The following SLC25A28 variants were observed in gnomAD, a reference collection of about 807,000 sequenced individuals.
The protein encoded by SLC25A28 is mitoferrin-2.
SLC25A28 carries 10 observed loss-of-function variants against 31.9 expected under a neutral mutation model. The observed-to-expected ratio is 0.31, with a 90% CI of 0.19 to 0.53. SLC25A28 has a LOEUF of 0.53. Among genes scored for constraint, SLC25A28 ranks in the 20% least tolerant of loss-of-function variants. The pLI is 0.95. For missense variants in SLC25A28, 256 were observed against 490.3 expected (o/e 0.52, Z 4.51); for synonymous variants, 208 against 203.6 (o/e 1.02, Z -0.19).
At chr10:99,645,819 G>C in the SLC25A28 span, among the ~76,000 whole-genome samples, 21 of 152,318 alleles carry the variant, frequency 1.4e-4, no homozygotes, top group South Asian at 4.3e-3. Flanking sequence ...AAGTTTGCTG[G>C]AGGTCCACTC....
At position 99,611,359 on chromosome 10, in the gene SLC25A28, C is replaced by T. The variant is rs2034520106; in HGVS notation, c.585G>A (p.Lys195=). ...GTGAGTTGTACATCTGCATCCTCTG[C>T]TTGACCACTAGTAGTGCCATCAACG... ...DAAMNPAEVV[K]QRMQMYNSPY... is the part of the protein sequence containing the mutation. The change falls in exon 4 of 4, where the codon AAG becomes AAA. Residue 195 remains lysine, a synonymous_variant. Coordinates refer to ENST00000370495, the MANE Select transcript of SLC25A28 (RefSeq NM_031212.4). The surrounding 1 kb of genome is among the most constrained non-coding windows in gnomAD (Gnocchi z 5.5). 1 of 1,613,922 alleles carries T rather than the reference C, an allele frequency of 6.2e-7. No individual in the cohort carries two copies. Among genetic ancestry groups the T allele is most frequent in the Non-Finnish European group, 8.5e-7 (1 of 1,179,936 alleles).
Position 99,620,348 on chromosome 10 carries a change from G to C in SLC25A28, c.-13C>G. ...CCTCCAACTCCATCCACCCGGGCCA[G>C]CTGCGGCGCCCACCCCCGCCGCCGC... On this transcript the variant is annotated 5_prime_UTR_variant, in exon 1 of 4. Coordinates refer to ENST00000370495, the MANE Select transcript of SLC25A28 (RefSeq NM_031212.4). 1.0e-6 allele frequency: 1 copy of C among 1,004,036 alleles called. No homozygotes were observed. The highest frequency in any genetic ancestry group is 1.2e-6 in the Non-Finnish European group (1 of 846,030). 62.2% of individuals were successfully genotyped at this position (1,004,036 alleles called of 1,614,324 possible). A position where few individuals can be genotyped will look rare whatever the true frequency, so the allele number is the denominator to read the frequency against.
chr10:99,619,945 C>T, intron 1 of SLC25A28, 100 bp downstream of exon 1: 1 of 1,263,592 alleles, frequency 7.9e-7, no homozygotes. Context: ...CAGGAAGGAA[C>T]CCATGTCGGC....
chr10:99,623,075 C>T (rs1166471625), upstream of SLC25A28, among the ~76,000 whole-genome samples: 1 of 152,108 alleles, frequency 6.6e-6, no homozygotes, highest in African/African-American at 2.4e-5. Context: ...CCAAGGAAGG[C>T]CTTTCTGAGG....
chr10:99,646,664 G>C, the SLC25A28 span, among the ~76,000 whole-genome samples: 9 of 152,310 alleles, frequency 5.9e-5, no homozygotes, highest in East Asian at 1.9e-4. Context: ...GACTAGAGCT[G>C]TTCCTATTCG....
the SLC25A28 span, among the ~76,000 whole-genome samples, chr10:99,649,611 T>A: frequency 1.3e-5 from 2 of 152,200 alleles, no homozygotes; most frequent in Non-Finnish European, 2.9e-5. Flanking sequence ...TGAGAGATTT[T>A]TTATTACTGA....
the SLC25A28 span, among the ~76,000 whole-genome samples, chr10:99,642,493 T>C: frequency 1.3e-5 from 2 of 152,200 alleles, no homozygotes; most frequent in African/African-American, 4.8e-5. Flanking sequence ...TTTCTAAATA[T>C]ACAATCATGT....
chr10:99,627,203 C>T, the SLC25A28 span, among the ~76,000 whole-genome samples: 2 of 151,380 alleles, frequency 1.3e-5, no homozygotes, highest in Non-Finnish European at 2.9e-5. Flanking sequence ...ATCATGCCAC[C>T]GCACTCCAGC....
chr10:99,650,826 G>A, the SLC25A28 span, among the ~76,000 whole-genome samples: 1 of 152,138 alleles, frequency 6.6e-6, no homozygotes, highest in Non-Finnish European at 1.5e-5. Context: ...TTTTGGAGCA[G>A]GGCAACAGCT....
the SLC25A28 span, among the ~76,000 whole-genome samples, chr10:99,651,538 C>T: frequency 4.1e-4 from 62 of 150,036 alleles, no homozygotes; most frequent in Non-Finnish European, 7.8e-4. Context: ...CTTATCTTTT[C>T]ATTCTCTTAG....
At chr10:99,655,557 C>A in the SLC25A28 span, among the ~76,000 whole-genome samples, 1 of 152,114 alleles carries the variant, frequency 6.6e-6, no homozygotes, top group African/African-American at 2.4e-5. Flanking sequence ...GCCACCACGC[C>A]CAGCCCCATT....
At chr10:99,634,823 T>C in the SLC25A28 span, among the ~76,000 whole-genome samples, 1 of 152,196 alleles carries the variant, frequency 6.6e-6, no homozygotes, top group Non-Finnish European at 1.5e-5. Context: ...AAAAGGATCC[T>C]TGCCTAGGCA....
the SLC25A28 span, among the ~76,000 whole-genome samples, chr10:99,644,026 G>C: frequency 6.6e-6 from 1 of 152,194 alleles, no homozygotes; most frequent in Non-Finnish European, 1.5e-5. Context: ...GTGGTGCTGA[G>C]AAGAATGTAT....
chr10:99,651,020 C>T, the SLC25A28 span, among the ~76,000 whole-genome samples: 62 of 152,300 alleles, frequency 4.1e-4, no homozygotes, highest in Non-Finnish European at 7.5e-4. Context: ...TTTTCTTGCA[C>T]AGCCAAGATC....
chr10:99,653,568 A>G, the SLC25A28 span, among the ~76,000 whole-genome samples: 6 of 152,222 alleles, frequency 3.9e-5, no homozygotes, highest in African/African-American at 4.8e-5. Flanking sequence ...GTAATTTGCT[A>G]TGTAGCAACA....
chr10:99,629,007 C>A, the SLC25A28 span, among the ~76,000 whole-genome samples: 4 of 152,124 alleles, frequency 2.6e-5, no homozygotes, highest in Non-Finnish European at 2.9e-5. Context: ...CTATATGACC[C>A]AGCAATTCCA....
At chr10:99,635,102 A>T in the SLC25A28 span, among the ~76,000 whole-genome samples, 1 of 152,224 alleles carries the variant, frequency 6.6e-6, no homozygotes, top group Non-Finnish European at 1.5e-5. Context: ...ATGCTGAGAG[A>T]ATTAGCCACT....
At chr10:99,631,464 ATTTATTTTTC>A in the SLC25A28 span, among the ~76,000 whole-genome samples, 1 of 152,062 alleles carries the variant, frequency 6.6e-6, no homozygotes, top group African/African-American at 2.4e-5. Context: ...TTAAATTTTT[ATTTATTTTTC>A]TTTCTCAGAA....
At chr10:99,622,676 G>A (rs778309749), upstream of SLC25A28, 87 of 985,246 alleles carry the variant, frequency 8.8e-5, no homozygotes, top group Middle Eastern at 1.0e-3. Context: ...CTACCTTTTA[G>A]ACATCTCAGT....
Sources: allele counts gnomAD v4.1 joint callset (sites outside exome capture counted in the v4.1 genomes callset), GRCh38; gene constraint gnomAD v4.1.1; non-coding constraint Gnocchi (gnomAD v3.1); transcripts MANE v1.5; gene names NCBI Gene and HGNC (gene_info 2026-07-23, HGNC 2026-07-21).